Variants in MYO5A observed in about 807,000 individuals in gnomAD.
MYO5A encodes the protein myosin VA.
Under a neutral mutation model 249.7 loss-of-function variants are expected in MYO5A, and 98 were observed. That is an observed-to-expected ratio of 0.39 (90% CI 0.33 to 0.46). The LOEUF (loss-of-function observed/expected upper bound fraction) is 0.46. MYO5A is among the 20% of genes least tolerant of loss of function. MYO5A has a pLI of 0.98. For missense variants in MYO5A, 1,696 were observed against 2,308.8 expected, an observed-to-expected ratio of 0.73 and a Z score of 5.44; for synonymous variants, 778 against 810.6, an observed-to-expected ratio of 0.96 and a Z score of 0.68.
chr15:52,483,303 C>G (rs1023336275), intron 1 of MYO5A, among the ~76,000 whole-genome samples: 5 of 152,322 alleles, frequency 3.3e-5, no homozygotes, highest in African/African-American at 1.2e-4. Context: ...CAGGGCCTCC[C>G]CTTGTCCAAT....
rs1024522120 is a variant in MYO5A, at chr15:52,308,527, T to C, written c.*5169A>G. 4 of 152,244 alleles carry C rather than the reference T, an allele frequency of 2.6e-5. No homozygotes were observed. The highest frequency in any genetic ancestry group is 5.9e-5 in the Non-Finnish European group (4 of 68,034). 9.4% of individuals were successfully genotyped at this position (152,244 alleles called of 1,614,324 possible). A position where few individuals can be genotyped will look rare whatever the true frequency, so the allele number is the denominator to read the frequency against. On this transcript the variant is annotated 3_prime_UTR_variant, in exon 42 of 42. Coordinates refer to ENST00000399233, the MANE Select transcript of MYO5A (RefSeq NM_001382347.1). Reference sequence around the variant, plus strand: ...TTACCAAGAATCTAACTTATCTCCATAATTTCTTTCATATATTCATTTGCT... The same window carrying C: ...TTACCAAGAATCTAACTTATCTCCACAATTTCTTTCATATATTCATTTGCT...
intron 38 of MYO5A, among the ~76,000 whole-genome samples, chr15:52,321,068 T>C (rs1038511037): frequency 6.6e-6 from 1 of 151,334 alleles, no homozygotes; most frequent in Non-Finnish European, 1.5e-5. Context: ...CAATGTTTGG[T>C]AACTTAAGAC....
At chr15:52,313,965 T>C (rs1596260836) in intron 41 of MYO5A, 117 bp from the exon 42 acceptor site, 1 of 1,409,086 alleles carries the variant, frequency 7.1e-7, no homozygotes, top group South Asian at 1.2e-5. Context: ...TTACTTTTGT[T>C]TTAAACTCAC....
chr15:52,495,793 C>T (rs2077026234), intron 1 of MYO5A, among the ~76,000 whole-genome samples: 1 of 152,066 alleles, frequency 6.6e-6, no homozygotes, highest in Admixed American at 6.6e-5. Flanking sequence ...GAGAGAATCC[C>T]TTGTTTTCAT....
chr15:52,397,962 A>G (rs2042561629), intron 9 of MYO5A, among the ~76,000 whole-genome samples: 1 of 152,198 alleles, frequency 6.6e-6, no homozygotes, highest in Admixed American at 6.5e-5. Flanking sequence ...CTATTTTGGA[A>G]GGAGGAGACA....
chr15:52,428,680 C>T (rs2075450450), intron 2 of MYO5A, 111 bp from the exon 3 acceptor site: 4 of 1,104,328 alleles, frequency 3.6e-6, no homozygotes, highest in Non-Finnish European at 5.5e-6. Context: ...CTATTAAATG[C>T]ATTATTTTCC....
intron 9 of MYO5A, 143 bp from the exon 10 acceptor site, chr15:52,397,609 G>A: frequency 2.0e-6 from 2 of 983,018 alleles, no homozygotes; most frequent in Non-Finnish European, 3.1e-6. Context: ...GTTGATTAGT[G>A]ATAATAATCA....
intron 1 of MYO5A, among the ~76,000 whole-genome samples, chr15:52,486,422 T>A (rs1011660068): frequency 2.0e-5 from 3 of 152,232 alleles, no homozygotes; most frequent in Admixed American, 1.3e-4. Flanking sequence ...GGCCCCGACT[T>A]TCATTCTCTC....
chr15:52,420,434 C>G (rs2043731416), intron 4 of MYO5A, among the ~76,000 whole-genome samples: 1 of 152,062 alleles, frequency 6.6e-6, no homozygotes, highest in Non-Finnish European at 1.5e-5. Context: ...GCTTGGCCCC[C>G]TTCCTGTCTC....
chr15:52,522,086 T>C (rs2077633883), intron 1 of MYO5A, among the ~76,000 whole-genome samples: 1 of 152,208 alleles, frequency 6.6e-6, no homozygotes, highest in African/African-American at 2.4e-5. Context: ...TCTCTATTGG[T>C]TGGGCTAAGG....
intron 35 of MYO5A, 150 bp from the exon 36 acceptor site, chr15:52,328,156 T>TA: frequency 3.0e-6 from 2 of 664,444 alleles, no homozygotes; most frequent in Non-Finnish European, 5.0e-6. Context: ...GCTCTTTAAG[T>TA]AGAAAAATTC....
chr15:52,317,312 T>G lies in MYO5A; in HGVS notation c.5235-90A>C, dbSNP rs2038071152. ...TTTTGTGTGCGGCCTTGTCAGGATT[T>G]ATGTTAAAATGACAGGCAGTATTTT... is the stretch of plus-strand genomic sequence containing the variant. On this transcript the variant is annotated intron_variant, in intron 39 of 41. Coordinates refer to ENST00000399233, the MANE Select transcript of MYO5A (RefSeq NM_001382347.1). 7 of 1,278,822 alleles carry G rather than the reference T, an allele frequency of 5.5e-6. No homozygotes were observed. The Admixed American group carries it at 1.2e-4, about 21-fold the overall frequency. The allele number at this position is 1,278,822 out of a possible 1,614,324, so 79.2% of individuals were successfully genotyped here.
intron 4 of MYO5A, among the ~76,000 whole-genome samples, chr15:52,420,988 G>C (rs2141267251): frequency 6.6e-6 from 1 of 152,262 alleles, no homozygotes; most frequent in Middle Eastern, 3.4e-3. Flanking sequence ...ATCTGCTCCA[G>C]GGATATAATG....
At chr15:52,527,628 T>G (rs1280604626) in intron 1 of MYO5A, among the ~76,000 whole-genome samples, 1 of 152,268 alleles carries the variant, frequency 6.6e-6, no homozygotes, top group Non-Finnish European at 1.5e-5. Context: ...TATAATTAAC[T>G]GCATTTACTC....
chr15:52,310,229 TA>T lies in MYO5A; in HGVS notation c.*3466del, dbSNP rs2037735492. ...AAGCATCAGATATGTGGAAATTTTTTAAACTTCCAAAGGAATTAGAAGCTAC... is the reference window on the plus strand; with the variant it reads ...AAGCATCAGATATGTGGAAATTTTTTAACTTCCAAAGGAATTAGAAGCTAC... On this transcript the variant is annotated 3_prime_UTR_variant, in exon 42 of 42. Transcript: ENST00000399233. 6.6e-6 allele frequency: 1 copy of T among 152,246 alleles called. No homozygotes were observed. Among genetic ancestry groups the T allele is most frequent in the Non-Finnish European group, 1.5e-5 (1 of 68,042 alleles). The allele number at this position is 152,246 out of a possible 1,614,324, so 9.4% of individuals were successfully genotyped here.
At chr15:52,516,278 A>G (rs915549882) in intron 1 of MYO5A, among the ~76,000 whole-genome samples, 1 of 152,240 alleles carries the variant, frequency 6.6e-6, no homozygotes, top group African/African-American at 2.4e-5. Context: ...CAGTTGCAAC[A>G]AAGCCCTCAG....
At chr15:52,331,971 G>A in intron 34 of MYO5A, 1 of 698,618 alleles carries the variant, frequency 1.4e-6, no homozygotes, top group Non-Finnish European at 1.8e-6. Context: ...CAAGAGAAAA[G>A]GAGACTCAAA....
intron 30 of MYO5A, among the ~76,000 whole-genome samples, chr15:52,345,517 G>A (rs575962933): frequency 5.3e-5 from 8 of 151,662 alleles, no homozygotes; most frequent in African/African-American, 1.5e-4. Flanking sequence ...CCTGGGGGGC[G>A]GAGGTTGCAG....
intron 30 of MYO5A, among the ~76,000 whole-genome samples, chr15:52,345,118 C>T (rs1473637456): frequency 1.3e-5 from 2 of 152,180 alleles, no homozygotes; most frequent in East Asian, 1.9e-4. Flanking sequence ...GATCCACAGA[C>T]GTTCGAATCC....
Sources: gnomAD v4.1 joint callset for allele counts (sites outside exome capture counted in the v4.1 genomes callset) on GRCh38, gnomAD v4.1.1 for gene constraint, MANE v1.5 for transcripts, NCBI Gene and HGNC (gene_info 2026-07-23, HGNC 2026-07-21) for gene names.